Variants in POLR2F observed in about 807,000 individuals in gnomAD.
The protein encoded by POLR2F is RNA polymerase II, I and III subunit F.
POLR2F carries 12 observed loss-of-function variants against 22.7 expected under a neutral mutation model. The ratio of observed to expected loss-of-function variants is 0.53; its 90% CI spans 0.34 to 0.86. POLR2F has a LOEUF of 0.86. Ranked by LOEUF, POLR2F falls within the 40% of genes least tolerant of loss-of-function variation. The probability of loss-of-function intolerance (pLI) is 0.02; values close to 1 mark genes in which losing one functional copy is unlikely to be tolerated. For missense variants in POLR2F, 126 were observed against 171.5 expected, an observed-to-expected ratio of 0.73 and a Z score of 1.48; for synonymous variants, 57 against 66.0, an observed-to-expected ratio of 0.86 and a Z score of 0.66.
At position 37,968,782 on chromosome 22, in the gene POLR2F, T is replaced by C. The variant is rs1410218634; in HGVS notation, c.*1067T>C. 6.1e-6 allele frequency: 6 copies of C among 985,468 alleles called. No homozygotes were observed. The East Asian group carries it at 5.7e-4, about 93-fold the overall frequency. 61.0% of individuals were successfully genotyped at this position (985,468 alleles called of 1,614,324 possible). ...GGAGGAGCTGGGCTTCCCTAACCTC[T>C]GCAGGAGGCAGGGCCTCCAGGCCTA... On this transcript the variant is annotated 3_prime_UTR_variant, in exon 5 of 5. Coordinates refer to ENST00000442738, the MANE Select transcript of POLR2F (RefSeq NM_021974.5).
rs528661452 is a variant in POLR2F at position 37,959,422 on chromosome 22, A to G, written c.167A>G (p.Tyr56Cys). The G allele has an allele frequency of 6.2e-7, 1 of 1,614,024 alleles. No individual in the cohort carries two copies. Among genetic ancestry groups the G allele is most frequent in the African/African-American group, 1.3e-5 (1 of 75,014 alleles). Residue 56 changes from tyrosine (Y) to cysteine (C), a missense_variant, in exon 3 of 5, where the codon TAC becomes TGC. Coordinates refer to ENST00000442738, the MANE Select transcript of POLR2F (RefSeq NM_021974.5). Reference sequence around the variant, plus strand: ...AACCAGAAGCGAATCACCACACCATACATGACCAAGTACGAGCGAGCCCGC... The same window carrying G: ...AACCAGAAGCGAATCACCACACCATGCATGACCAAGTACGAGCGAGCCCGC... ...QANQKRITTP[Y>C]MTKYERARVL...
At chr22:37,967,428 C>G (rs1931899889) in intron 4 of POLR2F, 197 bp from the exon 5 acceptor site, 7 of 1,435,422 alleles carry the variant, frequency 4.9e-6, no homozygotes, top group Non-Finnish European at 4.5e-6. Context: ...TACCAATATT[C>G]TGTCATTCTT....
intron 1 of POLR2F, among the ~76,000 whole-genome samples, chr22:38,022,193 A>G (rs907198832): frequency 2.0e-5 from 3 of 151,428 alleles, no homozygotes; most frequent in African/African-American, 7.3e-5. Context: ...GCATTTGAGT[A>G]TTGAAGCCAT....
At position 37,978,156 on chromosome 22, in the gene POLR2F, G is replaced by T; in HGVS notation, c.293+10986G>T. On this transcript the variant is annotated intron_variant, in intron 4 of 4. Coordinates refer to the POLR2F transcript ENST00000405557. The surrounding 1 kb of genome is among the most constrained non-coding windows in gnomAD (Gnocchi z 5.0). ...GCAGCCTGGGGTGTGGTGGGAGGCG[G>T]AGAGGACAGCAGAGGGGCTGGCGTG... The T allele has an allele frequency of 6.5e-7, 1 of 1,532,856 alleles. No homozygotes were observed. The highest frequency in any genetic ancestry group is 8.8e-7 in the Non-Finnish European group (1 of 1,140,598). The allele number at this position is 1,532,856 out of a possible 1,614,324, so 95.0% of individuals were successfully genotyped here.
intron 1 of POLR2F, among the ~76,000 whole-genome samples, chr22:37,956,016 G>A (rs1931379944): frequency 6.6e-6 from 1 of 151,796 alleles, no homozygotes; most frequent in Non-Finnish European, 1.5e-5. Context: ...TTTATTGAGT[G>A]CTTCCTACAT....
chr22:37,985,438 TC>T (rs1297246610), upstream of POLR2F, among the ~76,000 whole-genome samples: 1 of 151,974 alleles, frequency 6.6e-6, no homozygotes, highest in Non-Finnish European at 1.5e-5. Context: ...TCTCCCTCCC[TC>T]CCCTTTTCTT....
intron 1 of POLR2F, among the ~76,000 whole-genome samples, chr22:38,011,924 T>A (rs528942873): frequency 6.6e-6 from 1 of 152,214 alleles, no homozygotes; most frequent in South Asian, 2.1e-4. Context: ...TTTAGTTATG[T>A]CTTCCTTAAT....
intron 3 of POLR2F, 27 bp downstream of exon 3, chr22:37,959,503 C>T (rs781757926): frequency 1.2e-6 from 2 of 1,610,720 alleles, no homozygotes; most frequent in East Asian, 2.2e-5. Flanking sequence ...TCACTGTCTT[C>T]TCCATCTGTC....
At position 37,967,708 on chromosome 22, in the gene POLR2F, C is replaced by A. The variant is rs1487097082; in HGVS notation, c.377C>A (p.Thr126Asn). 1 of 1,613,356 alleles carries A rather than the reference C, an allele frequency of 6.2e-7. No individual in the cohort carries two copies. The highest frequency in any genetic ancestry group is 1.7e-5 in the Admixed American group (1 of 59,812). ...EDWGVDELII[T>N]D ...TGGGGGGTGGACGAGCTCATCATCACCGACTGAGCTGGAGTCATCTTCCTG... is the reference window on the plus strand; with the variant it reads ...TGGGGGGTGGACGAGCTCATCATCAACGACTGAGCTGGAGTCATCTTCCTG... The change falls in exon 5 of 5, where the codon ACC becomes AAC. Residue 126 changes from threonine to asparagine, a missense_variant. Thr to Asn is a moderately conservative substitution (Grantham distance 65, BLOSUM62 0). Coordinates refer to ENST00000442738, the MANE Select transcript of POLR2F (RefSeq NM_021974.5).
downstream of POLR2F, chr22:37,972,247 T>C (rs925010975): frequency 2.3e-6 from 3 of 1,302,190 alleles, no homozygotes; most frequent in African/African-American, 3.0e-5. Context: ...CAGAAAGCAT[T>C]TGAGGAAGCA....
intron 1 of POLR2F, among the ~76,000 whole-genome samples, chr22:38,002,080 C>T (rs2084775887): frequency 2.0e-5 from 3 of 151,980 alleles, no homozygotes; most frequent in African/African-American, 7.3e-5. Flanking sequence ...AAACTCCTGA[C>T]CTCGGGTGAT....
intron 1 of POLR2F, among the ~76,000 whole-genome samples, chr22:37,996,968 G>A (rs2084720604): frequency 6.6e-6 from 1 of 152,084 alleles, no homozygotes; most frequent in African/African-American, 2.4e-5. Context: ...CCACCCCTAG[G>A]GCAGGCCACC....
rs1054873387 is a variant in POLR2F, at chr22:37,962,186, G to A, written c.221+2710G>A. On this transcript the variant is annotated intron_variant, in intron 3 of 4. Coordinates refer to ENST00000442738, the MANE Select transcript of POLR2F (RefSeq NM_021974.5). ...GTTGAGGCTGCAGTGAACTGTGATC[G>A]CACTACTGCACACCAGCCTGAGTGA... Among the ~76,000 whole-genome samples the A allele has an allele frequency of 3.3e-5, 5 of 152,002 alleles. No individual in the cohort carries two copies. In the East Asian group the frequency reaches 5.8e-4, roughly 18 times the overall value.
At chr22:37,998,102 TC>T (rs978312676) in intron 1 of POLR2F, among the ~76,000 whole-genome samples, 22 of 152,076 alleles carry the variant, frequency 1.4e-4, no homozygotes, top group Non-Finnish European at 2.9e-4. Flanking sequence ...GGCCTCAGTT[TC>T]TCCTCACAAG....
intron 1 of POLR2F, among the ~76,000 whole-genome samples, chr22:37,996,766 T>A (rs2084718166): frequency 6.6e-6 from 1 of 152,204 alleles, no homozygotes; most frequent in African/African-American, 2.4e-5. Context: ...CATCTGCCAA[T>A]GTGGTCCAAA....
At chr22:38,035,225 A>G (rs2085103763) in intron 5 of POLR2F, among the ~76,000 whole-genome samples, 1 of 152,144 alleles carries the variant, frequency 6.6e-6, no homozygotes, top group Non-Finnish European at 1.5e-5. Context: ...GTTATTCTGT[A>G]AATGGTGCAC....
intron 1 of POLR2F, among the ~76,000 whole-genome samples, chr22:37,996,233 G>A (rs1422513491): frequency 6.6e-6 from 1 of 152,212 alleles, no homozygotes; most frequent in Admixed American, 6.5e-5. Context: ...CAGGCAGGAA[G>A]GACAGGGCAG....
chr22:37,986,190 G>A (rs1569172437), upstream of POLR2F: 2 of 1,542,784 alleles, frequency 1.3e-6, no homozygotes, highest in Non-Finnish European at 1.7e-6. The surrounding 1 kb of genome is among the most constrained non-coding windows in gnomAD (Gnocchi z 4.7). Flanking sequence ...GAGAGGAGCC[G>A]CCCTGGATGG....
In POLR2F at chr22:37,953,738, G is replaced by A; in HGVS notation, c.-50G>A. On this transcript the variant is annotated 5_prime_UTR_variant, in exon 1 of 5. Coordinates refer to ENST00000442738, the MANE Select transcript of POLR2F (RefSeq NM_021974.5). ...GCGAGTCGTAGTGTCGCTGTTTGCG[G>A]GTCTCCGCGCGGGACCGGGGCGCAG... The A allele has an allele frequency of 3.8e-6, 6 of 1,593,446 alleles. No homozygotes were observed. Among genetic ancestry groups the A allele is most frequent in the Non-Finnish European group, 4.3e-6 (5 of 1,173,916 alleles).
Sources: gnomAD v4.1 joint callset for allele counts (sites outside exome capture counted in the v4.1 genomes callset) on GRCh38, gnomAD v4.1.1 for gene constraint, Gnocchi (gnomAD v3.1) non-coding constraint, MANE v1.5 for transcripts, NCBI Gene and HGNC (gene_info 2026-07-23, HGNC 2026-07-21) for gene names.